TBC1D22A: variants seen among roughly 807,000 people sequenced by gnomAD.
TBC1D22A encodes TBC1 domain family member 22A, also known as putative GTPase activator.
A neutral mutation model predicts 60.2 loss-of-function variants in TBC1D22A; 38 were observed. The ratio of observed to expected loss-of-function variants is 0.63; its 90% CI spans 0.49 to 0.83. The LOEUF is 0.83. Among genes scored for constraint, TBC1D22A ranks in the 40% least tolerant of loss-of-function variants. TBC1D22A has a pLI of 0.00. For synonymous variants in TBC1D22A, 302 were observed against 281.7 expected (o/e 1.07, Z -0.72); for missense variants, 628 against 701.0 (o/e 0.90, Z 1.18).
At chr22:46,889,538 G>T (rs940475827) in intron 5 of TBC1D22A, among the ~76,000 whole-genome samples, 1 of 152,172 alleles carries the variant, frequency 6.6e-6, no homozygotes, top group Admixed American at 6.5e-5. Flanking sequence ...AACCCAAAGC[G>T]TATGCCCACG....
At chr22:46,873,115 C>T (rs563767426) in intron 4 of TBC1D22A, among the ~76,000 whole-genome samples, 12 of 152,026 alleles carry the variant, frequency 7.9e-5, no homozygotes, top group South Asian at 4.2e-4. Flanking sequence ...AAAAAGTAAC[C>T]GGTATGCAAT....
At chr22:46,966,399 CGGCCTCTCTTCCA>C (rs2073806908) in intron 8 of TBC1D22A, among the ~76,000 whole-genome samples, 2 of 152,184 alleles carry the variant, frequency 1.3e-5, no homozygotes, top group Non-Finnish European at 2.9e-5. Context: ...CACATGGGCA[CGGCCTCTCTTCCA>C]GGCACTAACA....
At chr22:46,985,810 C>A (rs1418545884) in intron 9 of TBC1D22A, among the ~76,000 whole-genome samples, 2 of 152,178 alleles carry the variant, frequency 1.3e-5, no homozygotes, top group African/African-American at 4.8e-5. Context: ...CCCACAGGGT[C>A]TTCATTTATT....
chr22:47,005,903 CACAG>C (rs2061574908), intron 10 of TBC1D22A, among the ~76,000 whole-genome samples: 1 of 151,322 alleles, frequency 6.6e-6, no homozygotes, highest in Admixed American at 6.6e-5. Flanking sequence ...CACATCTATA[CACAG>C]ACACACACCC....
At chr22:47,034,580 C>T (rs760911611) in intron 10 of TBC1D22A, among the ~76,000 whole-genome samples, 2 of 152,356 alleles carry the variant, frequency 1.3e-5, no homozygotes, top group Non-Finnish European at 2.9e-5. Flanking sequence ...GGCATCAGGC[C>T]TTCCTTGCCC....
At chr22:46,976,460 G>A (rs187481389) in intron 9 of TBC1D22A, among the ~76,000 whole-genome samples, 6 of 152,292 alleles carry the variant, frequency 3.9e-5, no homozygotes, top group South Asian at 2.1e-4. Flanking sequence ...AGATAAGGCC[G>A]TCCGAGCAGA....
intron 2 of TBC1D22A, 139 bp from the exon 3 acceptor site, chr22:46,793,362 G>A (rs2084507047): frequency 1.3e-5 from 11 of 815,002 alleles, no homozygotes; most frequent in Non-Finnish European, 1.7e-5. Context: ...TCTGTGAATT[G>A]TGTTTGCTTT....
At chr22:46,776,605 G>A (rs1343132381) in intron 1 of TBC1D22A, among the ~76,000 whole-genome samples, 1 of 152,046 alleles carries the variant, frequency 6.6e-6, no homozygotes, top group African/African-American at 2.4e-5. Context: ...GCCAGAGACA[G>A]AGGCTCAGGT....
At chr22:47,072,964 T>G (rs769525715) in intron 11 of TBC1D22A, among the ~76,000 whole-genome samples, 4 of 152,240 alleles carry the variant, frequency 2.6e-5, no homozygotes, top group Admixed American at 1.3e-4. Flanking sequence ...CTGGGCAGCT[T>G]TTTGGTTCTG....
chr22:46,847,123 G>A (rs1372691333), intron 4 of TBC1D22A, among the ~76,000 whole-genome samples: 1 of 152,234 alleles, frequency 6.6e-6, no homozygotes, highest in Non-Finnish European at 1.5e-5. Flanking sequence ...TGGAAAACCA[G>A]TTCTGCGGTG....
chr22:47,092,750 T>A (rs2065027046), intron 11 of TBC1D22A, among the ~76,000 whole-genome samples: 1 of 152,232 alleles, frequency 6.6e-6, no homozygotes, highest in South Asian at 2.1e-4. Flanking sequence ...CAGAGAGAGT[T>A]GAGGCTTTGA....
intron 12 of TBC1D22A, among the ~76,000 whole-genome samples, chr22:47,121,227 C>A (rs1056070893): frequency 6.6e-6 from 1 of 152,196 alleles, no homozygotes; most frequent in African/African-American, 2.4e-5. Flanking sequence ...TAGCGAGGGG[C>A]CTCCTGGAAG....
intron 11 of TBC1D22A, among the ~76,000 whole-genome samples, chr22:47,071,842 GGA>G (rs2064005266): frequency 6.6e-6 from 1 of 152,152 alleles, no homozygotes; most frequent in Non-Finnish European, 1.5e-5. Context: ...TTCTCGGAGT[GGA>G]GAGACAGTTT....
chr22:47,151,868 C>G (rs1212242320), intron 12 of TBC1D22A, among the ~76,000 whole-genome samples: 2 of 152,206 alleles, frequency 1.3e-5, no homozygotes, highest in Non-Finnish European at 2.9e-5. Context: ...GTGGACGTGG[C>G]AGTGCAGCCC....
intron 5 of TBC1D22A, among the ~76,000 whole-genome samples, chr22:46,889,458 C>T (rs573527857): frequency 2.6e-5 from 4 of 152,308 alleles, no homozygotes; most frequent in African/African-American, 9.6e-5. Flanking sequence ...AAAGAGGTGA[C>T]ATCTTAGAAA....
At chr22:47,026,336 T>C (rs1249795634) in intron 10 of TBC1D22A, among the ~76,000 whole-genome samples, 5 of 152,208 alleles carry the variant, frequency 3.3e-5, no homozygotes, top group Non-Finnish European at 7.3e-5. Context: ...GGGACAGTGT[T>C]CCTTCTTTTC....
intron 11 of TBC1D22A, among the ~76,000 whole-genome samples, chr22:47,058,189 G>T (rs535555211): frequency 7.2e-5 from 11 of 152,344 alleles, no homozygotes; most frequent in African/African-American, 2.6e-4. Flanking sequence ...GGCCCAGACA[G>T]CTGGAGCTCC....
chr22:47,001,706 T>G (rs2061416930), intron 10 of TBC1D22A, among the ~76,000 whole-genome samples: 1 of 152,176 alleles, frequency 6.6e-6, no homozygotes, highest in Non-Finnish European at 1.5e-5. Context: ...TAACCCAAAT[T>G]TAATTCTTTT....
chr22:47,014,557 C>T (rs2061850232), intron 10 of TBC1D22A, among the ~76,000 whole-genome samples: 1 of 152,238 alleles, frequency 6.6e-6, no homozygotes, highest in Non-Finnish European at 1.5e-5. Flanking sequence ...CCTACTGTCC[C>T]TATGCCCCAC....
Sources: gnomAD v4.1 joint callset for allele counts (sites outside exome capture counted in the v4.1 genomes callset) on GRCh38, gnomAD v4.1.1 for gene constraint, MANE v1.5 for transcripts, NCBI Gene and HGNC (gene_info 2026-07-23, HGNC 2026-07-21) for gene names.